Variants in LRRC7 observed in about 807,000 individuals in gnomAD.
The protein encoded by LRRC7 is leucine rich repeat containing 7.
In LRRC7, 23 loss-of-function variants were observed where a neutral mutation model predicts 175.7. That is an observed-to-expected ratio of 0.13 (90% CI 0.09 to 0.19). LRRC7 has a LOEUF of 0.19. LRRC7 is among the 10% of genes least tolerant of loss of function. The pLI is 1.00. For missense variants in LRRC7, 1,354 were observed against 1,904.7 expected (o/e 0.71, Z 5.38); for synonymous variants, 685 against 680.9 (o/e 1.01, Z -0.09).
chr1:70,095,383 T>C (rs982662496), intron 25 of LRRC7, among the ~76,000 whole-genome samples: 3 of 152,188 alleles, frequency 2.0e-5, no homozygotes, highest in African/African-American at 7.2e-5. Context: ...GCCACTAGGT[T>C]GTTTGAAGAC....
intron 8 of LRRC7, among the ~76,000 whole-genome samples, chr1:69,952,895 C>T (rs1043092495): frequency 2.6e-5 from 4 of 150,972 alleles, no homozygotes; most frequent in African/African-American, 7.3e-5. Flanking sequence ...TTTTTGAACT[C>T]CTACTGTTTG....
intron 2 of LRRC7, among the ~76,000 whole-genome samples, chr1:69,741,583 T>C (rs957284025): frequency 4.0e-5 from 6 of 151,894 alleles, no homozygotes; most frequent in Non-Finnish European, 8.8e-5. Context: ...GTGATTAGCG[T>C]AGAAAGAGAG....
intron 4 of LRRC7, among the ~76,000 whole-genome samples, chr1:69,807,522 G>C (rs191844228): frequency 1.0e-3 from 157 of 152,170 alleles, no homozygotes; most frequent in Non-Finnish European, 2.0e-3. Context: ...GCATTTGCTT[G>C]TCTGTAAAGG....
chr1:70,049,537 A>G (rs140420261), intron 22 of LRRC7, among the ~76,000 whole-genome samples: 2 of 152,218 alleles, frequency 1.3e-5, no homozygotes, highest in African/African-American at 4.8e-5. Context: ...AGAAAGATTC[A>G]CTTACCTTTC....
At chr1:69,985,516 A>G (rs1175829806) in intron 9 of LRRC7, among the ~76,000 whole-genome samples, 2 of 152,218 alleles carry the variant, frequency 1.3e-5, no homozygotes, top group African/African-American at 4.8e-5. Context: ...TTCACATACC[A>G]TATACAGTTC....
chr1:69,882,024 A>G (rs74959130), intron 7 of LRRC7, among the ~76,000 whole-genome samples: 77 of 151,122 alleles, frequency 5.1e-4, no homozygotes, highest in African/African-American at 1.8e-3. Flanking sequence ...AAAAAAAAAA[A>G]AGCAAACAAA....
intron 2 of LRRC7, among the ~76,000 whole-genome samples, chr1:69,717,790 GAAAGAAAGAAAGAAAGA>G (rs1557640554): frequency 9.6e-4 from 19 of 19,836 alleles, no homozygotes; most frequent in Middle Eastern, 0.021. Flanking sequence ...AAGAAAGAAA[GAAAGAAAGAAAGAAAGA>G]AAGAAAGAAA....
intron 2 of LRRC7, among the ~76,000 whole-genome samples, chr1:69,693,063 C>T (rs954662949): frequency 6.6e-6 from 1 of 152,076 alleles, no homozygotes; most frequent in Non-Finnish European, 1.5e-5. Flanking sequence ...CTGTTGGTTC[C>T]GTGTCTCGCA....
intron 1 of LRRC7, among the ~76,000 whole-genome samples, chr1:69,594,196 A>G (rs781310685): frequency 6.6e-6 from 1 of 152,080 alleles, no homozygotes; most frequent in Non-Finnish European, 1.5e-5. Context: ...ATACACAGAC[A>G]TTTTCCCTAT....
chr1:70,098,352 C>A (rs1054862663), intron 25 of LRRC7, among the ~76,000 whole-genome samples: 1 of 151,068 alleles, frequency 6.6e-6, no homozygotes, highest in African/African-American at 2.4e-5. Flanking sequence ...GCACTAAATG[C>A]CCACAAGAGA....
intron 21 of LRRC7, among the ~76,000 whole-genome samples, chr1:70,040,386 G>A (rs969970623): frequency 9.9e-5 from 15 of 152,100 alleles, no homozygotes; most frequent in Admixed American, 6.6e-5. Flanking sequence ...TAGAATGTTG[G>A]TTTTTATATA....
At chr1:69,840,688 A>C (rs1339373166) in intron 7 of LRRC7, among the ~76,000 whole-genome samples, 2 of 152,050 alleles carry the variant, frequency 1.3e-5, no homozygotes, top group Non-Finnish European at 2.9e-5. Context: ...TTTCCTTATA[A>C]TGTTTATGAT....
intron 7 of LRRC7, among the ~76,000 whole-genome samples, chr1:69,922,668 A>G (rs1646927002): frequency 6.6e-6 from 1 of 152,152 alleles, no homozygotes; most frequent in Admixed American, 6.6e-5. Context: ...ACAACTTCTA[A>G]AACTAATCAT....
Position 70,132,818 on chromosome 1 carries a change from A to G in LRRC7, c.*10931A>G, listed in dbSNP as rs1026842728. ...AATGTCAGACAGTGTGGCTACAGGTAAAAGCTCTGTGGAGAAAGGAGCAAA... is the reference window on the plus strand; with the variant it reads ...AATGTCAGACAGTGTGGCTACAGGTGAAAGCTCTGTGGAGAAAGGAGCAAA... On this transcript the variant is annotated 3_prime_UTR_variant, in exon 27 of 27. Transcript: ENST00000651989. 6.6e-6 allele frequency among the ~76,000 whole-genome samples: 1 copy of G among 152,126 alleles called. No homozygotes were observed. The highest frequency in any genetic ancestry group is 2.4e-5 in the African/African-American group (1 of 41,420).
chr1:69,667,062 C>T (rs72673030), intron 1 of LRRC7, among the ~76,000 whole-genome samples: 3 of 152,132 alleles, frequency 2.0e-5, no homozygotes, highest in Non-Finnish European at 4.4e-5. Context: ...TTCATTGTCC[C>T]ACTGGTTATT....
chr1:69,736,258 C>G (rs1668106413), intron 2 of LRRC7, among the ~76,000 whole-genome samples: 2 of 152,040 alleles, frequency 1.3e-5, no homozygotes, highest in Non-Finnish European at 2.9e-5. Context: ...GACCAATTCA[C>G]TAAGAATAGA....
chr1:70,131,589 G>T lies in LRRC7; in HGVS notation c.*9702G>T, dbSNP rs1666664660. Among the ~76,000 whole-genome samples the T allele has an allele frequency of 6.6e-6, 1 of 151,882 alleles. No homozygotes were observed. Among genetic ancestry groups the T allele is most frequent in the African/African-American group, 2.4e-5 (1 of 41,338 alleles). The stretch of plus-strand genomic sequence containing the variant: ...TCTACCTCTGCTTTTTAATTTCTTT[G>T]TATAAAGAGAACTTGATAACTATCA... On this transcript the variant is annotated 3_prime_UTR_variant, in exon 27 of 27. Coordinates refer to ENST00000651989, the MANE Select transcript of LRRC7 (RefSeq NM_001370785.2).
At chr1:69,787,897 T>C (rs1216102874) in intron 3 of LRRC7, among the ~76,000 whole-genome samples, 1 of 152,182 alleles carries the variant, frequency 6.6e-6, no homozygotes, top group East Asian at 1.9e-4. Flanking sequence ...AGCCAGACTA[T>C]ATCACTCCCT....
At chr1:69,648,256 TTAAC>T (rs1236614123) in intron 1 of LRRC7, among the ~76,000 whole-genome samples, 1 of 152,136 alleles carries the variant, frequency 6.6e-6, no homozygotes, top group Non-Finnish European at 1.5e-5. Context: ...TGTTCATAAA[TTAAC>T]TATTATTAAT....
Sources: gnomAD v4.1 joint callset for allele counts (sites outside exome capture counted in the v4.1 genomes callset) on GRCh38, gnomAD v4.1.1 for gene constraint, MANE v1.5 for transcripts, NCBI Gene and HGNC (gene_info 2026-07-23, HGNC 2026-07-21) for gene names.